Variants in BMERB1 observed in about 807,000 individuals in gnomAD.
BMERB1 encodes the protein bMERB domain-containing protein 1.
BMERB1 carries 12 observed loss-of-function variants against 23.6 expected under a neutral mutation model. That is an observed-to-expected ratio of 0.51 (90% CI 0.33 to 0.82). BMERB1 has a LOEUF of 0.82. Ranked by LOEUF, BMERB1 falls within the 40% of genes least tolerant of loss-of-function variation. BMERB1 has a pLI of 0.03. For missense variants in BMERB1, 247 were observed against 255.4 expected (o/e 0.97, Z 0.22); for synonymous variants, 122 against 96.6 (o/e 1.26, Z -1.54).
chr16:15,512,422 TAGA>T (rs1327672081), intron 1 of BMERB1, among the ~76,000 whole-genome samples: 1 of 152,110 alleles, frequency 6.6e-6, no homozygotes, highest in Non-Finnish European at 1.5e-5. Context: ...CCCCAGGACA[TAGA>T]AGGCAGTTGG....
chr16:15,553,538 G>T (rs145067266), intron 2 of BMERB1, among the ~76,000 whole-genome samples: 1 of 152,194 alleles, frequency 6.6e-6, no homozygotes. Context: ...TGCCACTGTC[G>T]GGAAAAACAG....
At chr16:15,556,876 G>A (rs919480908) in intron 2 of BMERB1, among the ~76,000 whole-genome samples, 9 of 152,160 alleles carry the variant, frequency 5.9e-5, no homozygotes, top group Admixed American at 2.6e-4. Flanking sequence ...GAGCCACCGC[G>A]CCCGGCCCAG....
intron 1 of BMERB1, among the ~76,000 whole-genome samples, chr16:15,509,044 C>T (rs531867094): frequency 6.6e-6 from 1 of 151,958 alleles, no homozygotes; most frequent in Non-Finnish European, 1.5e-5. Context: ...AGCTAAGCAC[C>T]TGGAGCCTGG....
At chr16:15,496,570 GCT>G (rs1437153769) in intron 1 of BMERB1, among the ~76,000 whole-genome samples, 2 of 148,114 alleles carry the variant, frequency 1.4e-5, no homozygotes, top group African/African-American at 5.0e-5. Context: ...AGACAGTCTT[GCT>G]CTGTCACCCA....
intron 2 of BMERB1, among the ~76,000 whole-genome samples, chr16:15,555,845 A>G (rs1423982044): frequency 6.6e-6 from 1 of 152,002 alleles, no homozygotes; most frequent in Non-Finnish European, 1.5e-5. Flanking sequence ...ACCAATGCAC[A>G]TGTTTATCAT....
intron 5 of BMERB1, chr16:15,583,985 A>G: frequency 1.4e-6 from 1 of 701,908 alleles, no homozygotes. Context: ...ACTGAGGCTC[A>G]GGGAGCTCTG....
intron 3 of BMERB1, among the ~76,000 whole-genome samples, chr16:15,577,522 TAAC>T (rs1461819055): frequency 1.3e-5 from 2 of 152,338 alleles, no homozygotes; most frequent in African/African-American, 2.4e-5. Context: ...AAAAGTTTAT[TAAC>T]AAGTTTTAGA....
At chr16:15,546,114 C>T (rs1267793630) in intron 2 of BMERB1, among the ~76,000 whole-genome samples, 1 of 152,058 alleles carries the variant, frequency 6.6e-6, no homozygotes, top group Non-Finnish European at 1.5e-5. Flanking sequence ...ATGGTGGAAC[C>T]CCCTCTCTAT....
At chr16:15,558,226 G>C (rs1349599517) in intron 2 of BMERB1, among the ~76,000 whole-genome samples, 2 of 151,974 alleles carry the variant, frequency 1.3e-5, no homozygotes, top group Middle Eastern at 3.2e-3. Flanking sequence ...GATGGATTTG[G>C]CAAAAGAAAA....
At chr16:15,509,635 T>G (rs1391703488) in intron 1 of BMERB1, among the ~76,000 whole-genome samples, 1 of 152,016 alleles carries the variant, frequency 6.6e-6, no homozygotes, top group Non-Finnish European at 1.5e-5. Context: ...CAGACCCCAC[T>G]TCCCCCATGC....
chr16:15,475,554 A>G (rs1040501718), intron 1 of BMERB1, among the ~76,000 whole-genome samples: 5 of 152,190 alleles, frequency 3.3e-5, no homozygotes, highest in African/African-American at 1.2e-4. Context: ...ACAGTGGAGT[A>G]ATGGGCAGCT....
intron 1 of BMERB1, 91 bp downstream of exon 1, chr16:15,434,850 A>C: frequency 8.6e-7 from 1 of 1,158,390 alleles, no homozygotes; most frequent in Non-Finnish European, 1.2e-6. Context: ...GAACGCCAGC[A>C]GTGGACCCAG....
At position 15,583,175 on chromosome 16, in the gene BMERB1, G is replaced by T; in HGVS notation, c.439G>T (p.Glu147Ter). The change falls in exon 5 of 6, where the codon GAA becomes TAA. Residue 147 changes from glutamate (E) to a stop codon, truncating the protein, a stop_gained. Transcript: ENST00000300006. LOFTEE classifies it high-confidence loss of function. ...TCACAGGGAGCAAGAAGAAGACAAG[G>T]AAATGGCTGATTTCCTGAGAATCAA... is the stretch of plus-strand genomic sequence containing the variant. ...ERLREQEEDK[E>*]MADFLRIKLK... 6.2e-7 allele frequency: 1 copy of T among 1,613,674 alleles called. No homozygotes were observed. The highest frequency in any genetic ancestry group is 8.5e-7 in the Non-Finnish European group (1 of 1,179,610).
Position 15,587,655 on chromosome 16 carries a change from C to T in BMERB1, c.*826C>T. On this transcript the variant is annotated 3_prime_UTR_variant, in exon 6 of 6. Coordinates refer to ENST00000300006, the MANE Select transcript of BMERB1 (RefSeq NM_033201.3). Reference sequence around the variant, plus strand: ...GGGCACTCCACCATTCCGGGGCCACCACAGAGATGCCAGCAGGATGCCACT... The same window carrying T: ...GGGCACTCCACCATTCCGGGGCCACTACAGAGATGCCAGCAGGATGCCACT... 1 of 331,340 alleles carries T rather than the reference C, an allele frequency of 3.0e-6. No homozygotes were observed. The highest frequency in any genetic ancestry group is 2.0e-5 in the South Asian group (1 of 48,884). 20.5% of individuals were successfully genotyped at this position (331,340 alleles called of 1,614,324 possible). A position where few individuals can be genotyped will look rare whatever the true frequency, so the allele number is the denominator to read the frequency against.
intron 1 of BMERB1, among the ~76,000 whole-genome samples, chr16:15,466,295 G>T (rs2051180136): frequency 1.3e-5 from 2 of 152,120 alleles, no homozygotes; most frequent in Admixed American, 1.3e-4. Context: ...ATGTAAAGTA[G>T]TATTTCATTG....
intron 1 of BMERB1, among the ~76,000 whole-genome samples, chr16:15,460,437 CTGGG>C (rs1200880317): frequency 6.6e-6 from 1 of 152,096 alleles, no homozygotes; most frequent in East Asian, 1.9e-4. Flanking sequence ...ACATTTTGCT[CTGGG>C]ATGAGCAAAA....
chr16:15,485,207 G>A (rs1598465300), intron 1 of BMERB1, among the ~76,000 whole-genome samples: 2 of 152,194 alleles, frequency 1.3e-5, no homozygotes, highest in East Asian at 1.9e-4. Context: ...AGAATATTCT[G>A]ATTGGCCAGG....
intron 1 of BMERB1, among the ~76,000 whole-genome samples, chr16:15,451,315 T>C (rs1292778180): frequency 1.3e-5 from 2 of 151,756 alleles, no homozygotes; most frequent in Non-Finnish European, 2.9e-5. Flanking sequence ...CTCAGCCTCT[T>C]GAGTAGCTGG....
In BMERB1 at chr16:15,550,901, G is replaced by A. The variant is rs80356096; in HGVS notation, c.231-17082G>A. On this transcript the variant is annotated intron_variant, in intron 2 of 5. Transcript: ENST00000300006. ...CAGATGATGAGGATTCAATGAGATT[G>A]GGCTGGATACAAATCAGCTTTTGTT... Among the ~76,000 whole-genome samples the A allele has an allele frequency of 6.1e-3, 935 of 152,252 alleles. 8 individuals are homozygous for A. The highest frequency in any genetic ancestry group is 0.019 in the African/African-American group (784 of 41,552).
Sources: allele counts gnomAD v4.1 joint callset (sites outside exome capture counted in the v4.1 genomes callset), GRCh38; gene constraint gnomAD v4.1.1; transcripts MANE v1.5; gene names NCBI Gene and HGNC (gene_info 2026-07-23, HGNC 2026-07-21).